Variants in HHLA2 observed in about 807,000 individuals in gnomAD.
The protein encoded by HHLA2 is HERV-H LTR-associating protein 2.
In HHLA2, 48 loss-of-function variants were observed where a neutral mutation model predicts 45.9. The observed-to-expected ratio is 1.05, with a 90% CI of 0.83 to 1.33. The LOEUF is 1.33. Among genes scored for constraint, HHLA2 ranks in the 40% most tolerant of loss-of-function variants. HHLA2 has a pLI of 0.00. For synonymous variants in HHLA2, 161 were observed against 173.9 expected (o/e 0.93, Z 0.59); for missense variants, 462 against 494.3 (o/e 0.93, Z 0.62).
intron 1 of HHLA2, among the ~76,000 whole-genome samples, chr3:108,301,177 T>C (rs1483440659): frequency 6.6e-6 from 1 of 152,186 alleles, no homozygotes; most frequent in Non-Finnish European, 1.5e-5. Flanking sequence ...TTTTATTTTA[T>C]ATGCAAAACA....
chr3:108,328,640 A>G (rs2081331481), intron 3 of HHLA2, among the ~76,000 whole-genome samples: 1 of 152,164 alleles, frequency 6.6e-6, no homozygotes, highest in Non-Finnish European at 1.5e-5. Flanking sequence ...ACACTATATT[A>G]TTCTGAGAAA....
intron 8 of HHLA2, among the ~76,000 whole-genome samples, chr3:108,364,633 C>A (rs76010176): frequency 0.5 from 76,565 of 152,002 alleles, 20,254 homozygotes; most frequent in Non-Finnish European, 0.59. Flanking sequence ...ATTCCTATTT[C>A]TCCATATCTG....
intron 10 of HHLA2, 52 bp downstream of exon 9, chr3:108,376,609 T>A: frequency 6.7e-7 from 1 of 1,487,902 alleles, no homozygotes; most frequent in Non-Finnish European, 9.3e-7. Flanking sequence ...AATGCTTCTT[T>A]AAAAGGGTAA....
At chr3:108,375,702 T>C (rs1385746804) in intron 8 of HHLA2, 48 bp from the exon 8 acceptor site, 4 of 1,592,908 alleles carry the variant, frequency 2.5e-6, no homozygotes, top group Non-Finnish European at 3.4e-6. Context: ...GGGAAACAGC[T>C]GGGAGAGTAA....
rs181668744 is a variant in HHLA2 at position 108,359,119 on chromosome 3, C to A, written c.1003+958C>A. Among the ~76,000 whole-genome samples, 408 of 152,012 alleles carry A rather than the reference C, an allele frequency of 2.7e-3. 4 individuals are homozygous for A. The highest frequency in any genetic ancestry group is 9.4e-3 in the African/African-American group (391 of 41,468). On this transcript the variant is annotated intron_variant, in intron 7 of 10. Transcript: ENST00000619531. ...AAAAGTGTCAGTTTTATGTAAAATA[C>A]AGTTAAGCCTGCAATCTATTTTTAA...
chr3:108,358,183 A>T, intron 7 of HHLA2, 22 bp downstream of exon 6: 1 of 1,558,064 alleles, frequency 6.4e-7, no homozygotes, highest in Admixed American at 1.8e-5. Flanking sequence ...GTAGGTTTGG[A>T]TAATGGGTTT....
chr3:108,358,497 G>C (rs2081936332), intron 7 of HHLA2, among the ~76,000 whole-genome samples: 2 of 152,230 alleles, frequency 1.3e-5, no homozygotes, highest in African/African-American at 2.4e-5. Context: ...CTAGGGTTTG[G>C]GGATTCAAGG....
intron 1 of HHLA2, among the ~76,000 whole-genome samples, chr3:108,303,213 T>A (rs1356360065): frequency 6.6e-6 from 1 of 152,206 alleles, no homozygotes; most frequent in East Asian, 1.9e-4. Flanking sequence ...TTTGATGAGT[T>A]CTTGACTTCA....
intron 3 of HHLA2, among the ~76,000 whole-genome samples, chr3:108,333,881 T>C (rs1161202569): frequency 6.6e-6 from 1 of 152,154 alleles, no homozygotes; most frequent in Admixed American, 6.6e-5. Context: ...TCTTTTTGGC[T>C]CAAAAGATTG....
chr3:108,372,392 C>T (rs1433241669), intron 8 of HHLA2, among the ~76,000 whole-genome samples: 4 of 151,760 alleles, frequency 2.6e-5, no homozygotes, highest in African/African-American at 9.7e-5. Context: ...CCAAAATTGA[C>T]ACCCTAACAT....
At chr3:108,315,991 G>A (rs771880973) in intron 2 of HHLA2, among the ~76,000 whole-genome samples, 2 of 151,726 alleles carry the variant, frequency 1.3e-5, no homozygotes, top group African/African-American at 2.4e-5. Context: ...TCAGGAACAG[G>A]TGAGCTATTG....
chr3:108,358,000 C>A, exon 7 of HHLA2: 1 of 1,613,806 alleles, frequency 6.2e-7, no homozygotes, highest in Non-Finnish European at 8.5e-7. Context: ...TCACAAAATA[C>A]AATTATCAAT....
chr3:108,369,074 C>G (rs948650776), intron 8 of HHLA2, among the ~76,000 whole-genome samples: 3 of 152,144 alleles, frequency 2.0e-5, no homozygotes, highest in African/African-American at 7.2e-5. Context: ...GAAACTCACT[C>G]AGAACCACAC....
chr3:108,348,042 T>G (rs927741282), intron 3 of HHLA2, among the ~76,000 whole-genome samples: 1 of 152,146 alleles, frequency 6.6e-6, no homozygotes, highest in Non-Finnish European at 1.5e-5. Flanking sequence ...GTTAAACATA[T>G]GACCTTGATC....
At chr3:108,313,531 G>A (rs560254002) in intron 2 of HHLA2, among the ~76,000 whole-genome samples, 1 of 152,304 alleles carries the variant, frequency 6.6e-6, no homozygotes, top group Admixed American at 6.5e-5. Context: ...TGGGGGTGCT[G>A]AGAGGATTCC....
chr3:108,330,728 A>T (rs2081371683), intron 3 of HHLA2, among the ~76,000 whole-genome samples: 1 of 152,134 alleles, frequency 6.6e-6, no homozygotes, highest in South Asian at 2.1e-4. Flanking sequence ...GCCTCAGATG[A>T]GACTGGAACC....
chr3:108,301,178 A>G (rs910143338), intron 1 of HHLA2, among the ~76,000 whole-genome samples: 1 of 152,160 alleles, frequency 6.6e-6, no homozygotes, highest in African/African-American at 2.4e-5. Context: ...TTTATTTTAT[A>G]TGCAAAACAT....
chr3:108,316,528 G>A (rs564288692), intron 2 of HHLA2, among the ~76,000 whole-genome samples: 2 of 152,240 alleles, frequency 1.3e-5, no homozygotes, highest in African/African-American at 2.4e-5. Flanking sequence ...CATCACCCAG[G>A]TTCAGAGACC....
At chr3:108,355,216 A>G in exon 6 of HHLA2, 1 of 1,613,886 alleles carries the variant, frequency 6.2e-7, no homozygotes, top group Middle Eastern at 1.7e-4. Context: ...CACGTGGAAA[A>G]TGGACAACAC....
Sources: allele counts gnomAD v4.1 joint callset (sites outside exome capture counted in the v4.1 genomes callset), GRCh38; gene constraint gnomAD v4.1.1; transcripts MANE v1.5; gene names NCBI Gene and HGNC (gene_info 2026-07-23, HGNC 2026-07-21).